Variants in SSBP2 observed in about 807,000 individuals in gnomAD.
SSBP2 encodes the protein single-stranded DNA-binding protein 2.
A neutral mutation model predicts 61.8 loss-of-function variants in SSBP2; 17 were observed. The ratio of observed to expected loss-of-function variants is 0.28; its 90% confidence interval spans 0.19 to 0.41. The LOEUF (loss-of-function observed/expected upper bound fraction) is 0.41, where lower values mean the gene tolerates loss of function less well. Among genes scored for constraint, SSBP2 ranks in the 10% least tolerant of loss-of-function variants. The pLI is 1.00. For synonymous variants in SSBP2, 139 were observed against 141.3 expected (o/e 0.98, Z 0.12); for missense variants, 310 against 458.7 (o/e 0.68, Z 2.96).
intron 8 of SSBP2, among the ~76,000 whole-genome samples, chr5:81,472,725 G>A (rs760411594): frequency 6.6e-6 from 1 of 151,882 alleles, no homozygotes; most frequent in Non-Finnish European, 1.5e-5. Context: ...TCATCCTCTC[G>A]AGTAGCTGGG....
At chr5:81,488,093 C>G (rs1016891753) in intron 6 of SSBP2, among the ~76,000 whole-genome samples, 5 of 127,162 alleles carry the variant, frequency 3.9e-5, no homozygotes, top group African/African-American at 1.0e-4. Flanking sequence ...TATACACACA[C>G]ACACCACATT....
At position 81,720,796 on chromosome 5, in the gene SSBP2, T is replaced by C. The variant is rs564615352; in HGVS notation, c.62+30185A>G. 2.0e-5 allele frequency among the ~76,000 whole-genome samples: 3 copies of C among 152,338 alleles called. No homozygotes were observed. In the East Asian group the frequency reaches 5.8e-4, roughly 29 times the overall value. ...GTAGATATTTAAGCAGAGGAAAAGC[T>C]TGAATCTCTGTATTGATTTTCTAAC... On this transcript the variant is annotated intron_variant, in intron 1 of 16. Coordinates refer to ENST00000320672, the MANE Select transcript of SSBP2 (RefSeq NM_012446.5).
chr5:81,589,193 A>C lies in SSBP2; in HGVS notation c.282+26280T>G, dbSNP rs371853915. ...AAAAGTCAGGACTTCAAAAAATATCAAACTAACATGGGCAACTAATAAATT... is the reference window on the plus strand; with the variant it reads ...AAAAGTCAGGACTTCAAAAAATATCCAACTAACATGGGCAACTAATAAATT... On this transcript the variant is annotated intron_variant, in intron 4 of 16. Transcript: ENST00000320672. Among the ~76,000 whole-genome samples the C allele has an allele frequency of 1.2e-4, 18 of 152,358 alleles. No individual in the cohort carries two copies. The East Asian group carries it at 3.5e-3, about 29-fold the overall frequency.
At chr5:81,664,153 C>G (rs959001400) in intron 1 of SSBP2, among the ~76,000 whole-genome samples, 2 of 143,616 alleles carry the variant, frequency 1.4e-5, no homozygotes, top group Non-Finnish European at 3.0e-5. Flanking sequence ...GACAGAATCT[C>G]ACTCTATTGC....
At chr5:81,668,267 A>C (rs866647220) in intron 1 of SSBP2, among the ~76,000 whole-genome samples, 19 of 149,650 alleles carry the variant, frequency 1.3e-4, no homozygotes, top group Middle Eastern at 3.4e-3. Context: ...AAAAAAAAAA[A>C]AAAAAACAGG....
intron 6 of SSBP2, among the ~76,000 whole-genome samples, chr5:81,482,882 C>T (rs1766098081): frequency 6.6e-6 from 1 of 152,284 alleles, no homozygotes; most frequent in South Asian, 2.1e-4. Flanking sequence ...GCCTTCCTCA[C>T]TAAATGTAAT....
chr5:81,494,442 A>G (rs1426842384), intron 5 of SSBP2, among the ~76,000 whole-genome samples: 1 of 152,186 alleles, frequency 6.6e-6, no homozygotes, highest in Non-Finnish European at 1.5e-5. Flanking sequence ...CTAATCTCCA[A>G]TGTGATGGTA....
chr5:81,703,104 G>T (rs1212083198), intron 1 of SSBP2, among the ~76,000 whole-genome samples: 3 of 152,198 alleles, frequency 2.0e-5, no homozygotes, highest in African/African-American at 7.2e-5. Flanking sequence ...TGCTAAAGTG[G>T]TTCAATATTT....
chr5:81,719,533 C>T (rs1755405250), intron 1 of SSBP2, among the ~76,000 whole-genome samples: 1 of 152,130 alleles, frequency 6.6e-6, no homozygotes, highest in African/African-American at 2.4e-5. Context: ...TAGCCAGAGA[C>T]AGCAAAGGGT....
chr5:81,483,779 A>ACG (rs1348793419), intron 6 of SSBP2, among the ~76,000 whole-genome samples: 1 of 152,060 alleles, frequency 6.6e-6, no homozygotes, highest in Non-Finnish European at 1.5e-5. Context: ...ACACACACAC[A>ACG]CACACATTTA....
At chr5:81,673,588 T>C (rs1751748140) in intron 1 of SSBP2, among the ~76,000 whole-genome samples, 1 of 152,138 alleles carries the variant, frequency 6.6e-6, no homozygotes, top group Non-Finnish European at 1.5e-5. Context: ...AATGCATTAA[T>C]AGACTATAAG....
At chr5:81,620,362 A>G (rs1581185149) in intron 3 of SSBP2, among the ~76,000 whole-genome samples, 1 of 145,292 alleles carries the variant, frequency 6.9e-6, no homozygotes, top group African/African-American at 2.6e-5. Context: ...CAATTGCTTC[A>G]AAGAGAATAA....
At chr5:81,685,070 C>A (rs1396260677) in intron 1 of SSBP2, among the ~76,000 whole-genome samples, 3 of 152,056 alleles carry the variant, frequency 2.0e-5, no homozygotes, top group Non-Finnish European at 4.4e-5. Context: ...AAGTGTATGG[C>A]ACTTCCCCCT....
At chr5:81,511,096 T>G (rs1379884462) in intron 5 of SSBP2, among the ~76,000 whole-genome samples, 4 of 152,116 alleles carry the variant, frequency 2.6e-5, no homozygotes, top group Non-Finnish European at 5.9e-5. Flanking sequence ...TTTTCCCTCT[T>G]CCTAGAAATT....
At chr5:81,750,495 C>A (rs1302134405) in intron 1 of SSBP2, among the ~76,000 whole-genome samples, 1 of 146,360 alleles carries the variant, frequency 6.8e-6, no homozygotes. Flanking sequence ...CCCAGGCCCC[C>A]GCCGCCGCGC....
At chr5:81,663,648 A>G (rs1280298723) in intron 1 of SSBP2, among the ~76,000 whole-genome samples, 6 of 151,892 alleles carry the variant, frequency 4.0e-5, no homozygotes, top group Admixed American at 3.9e-4. Flanking sequence ...CTATACAATG[A>G]GAAATCTAAC....
chr5:81,612,678 CA>C (rs1343635072), intron 4 of SSBP2, among the ~76,000 whole-genome samples: 24 of 152,050 alleles, frequency 1.6e-4, no homozygotes, highest in African/African-American at 5.5e-4. Context: ...TTTATACATG[CA>C]AGTGAACATT....
chr5:81,667,845 CA>C (rs1399871466), intron 1 of SSBP2, among the ~76,000 whole-genome samples: 2 of 152,010 alleles, frequency 1.3e-5, no homozygotes, highest in African/African-American at 4.8e-5. Flanking sequence ...TTCTGTGACA[CA>C]ATGAAGAGTT....
At chr5:81,597,284 G>T (rs369999577) in intron 4 of SSBP2, among the ~76,000 whole-genome samples, 15 of 152,296 alleles carry the variant, frequency 9.8e-5, no homozygotes, top group Non-Finnish European at 7.4e-5. Context: ...GGCCATCAGA[G>T]AAATGCAAAT....
Sources: allele counts gnomAD v4.1 joint callset (sites outside exome capture counted in the v4.1 genomes callset), GRCh38; gene constraint gnomAD v4.1.1; transcripts MANE v1.5; gene names NCBI Gene and HGNC (gene_info 2026-07-23, HGNC 2026-07-21).